Variants in JARID2 observed in about 807,000 individuals in gnomAD.
JARID2 encodes the protein protein Jumonji.
Under a neutral mutation model 125.6 loss-of-function variants are expected in JARID2, and 21 were observed. The ratio of observed to expected loss-of-function variants is 0.17; its 90% confidence interval spans 0.12 to 0.24. The LOEUF is 0.24. Among genes scored for constraint, JARID2 ranks in the 10% least tolerant of loss-of-function variants. The pLI is 1.00. For synonymous variants in JARID2, 736 were observed against 661.6 expected (o/e 1.11, Z -1.73); for missense variants, 1,303 against 1,639.6 (o/e 0.79, Z 3.55).
At chr6:15,448,525 C>T (rs116097749) in intron 3 of JARID2, among the ~76,000 whole-genome samples, 83 of 152,262 alleles carry the variant, frequency 5.5e-4, no homozygotes, top group African/African-American at 1.9e-3. Context: ...AAAATTCCTG[C>T]AATACTCAGA....
intron 1 of JARID2, among the ~76,000 whole-genome samples, chr6:15,267,520 A>G (rs956735580): frequency 6.6e-6 from 1 of 152,348 alleles, no homozygotes; most frequent in South Asian, 2.1e-4. Context: ...GTTTCAAATT[A>G]TAGTAACATG....
intron 1 of JARID2, among the ~76,000 whole-genome samples, chr6:15,318,198 C>G (rs1433452794): frequency 6.6e-6 from 1 of 151,178 alleles, no homozygotes. Context: ...GTTACAAGAG[C>G]AAAACTCCGT....
At chr6:15,356,864 A>G (rs1763616624) in intron 1 of JARID2, among the ~76,000 whole-genome samples, 2 of 151,948 alleles carry the variant, frequency 1.3e-5, no homozygotes, top group East Asian at 1.9e-4. Flanking sequence ...AAAATACAAC[A>G]TTACCTGGTC....
intron 1 of JARID2, chr6:15,247,986 A>G (rs1416444439): frequency 2.0e-6 from 2 of 985,290 alleles, no homozygotes; most frequent in Middle Eastern, 5.2e-4. Flanking sequence ...CACAAAGCAA[A>G]TGGGGTAGAA....
rs185336912 is a variant in JARID2, at chr6:15,316,684, G to A, written c.46-57433G>A. 7.9e-5 allele frequency among the ~76,000 whole-genome samples: 12 copies of A among 152,178 alleles called. No homozygotes were observed. The East Asian group carries it at 2.3e-3, about 29-fold the overall frequency. ...TGCCCAGCTAATTTTTATATTTTTA[G>A]TAGAGACGGGGTTTCACCATGTTGG... On this transcript the variant is annotated intron_variant, in intron 1 of 17. Transcript: ENST00000341776.
At chr6:15,499,349 C>T (rs910160299) in intron 7 of JARID2, among the ~76,000 whole-genome samples, 18 of 152,212 alleles carry the variant, frequency 1.2e-4, no homozygotes, top group Admixed American at 1.2e-3. Context: ...GGGGCTCGGC[C>T]ACGTAGCAGC....
chr6:15,418,407 G>C (rs934322396), intron 3 of JARID2, among the ~76,000 whole-genome samples: 1 of 151,838 alleles, frequency 6.6e-6, no homozygotes. Context: ...TAGTAGAGAC[G>C]GTTTCACCAT....
intron 16 of JARID2, among the ~76,000 whole-genome samples, chr6:15,513,962 TC>T (rs1293188410): frequency 1.3e-5 from 2 of 152,214 alleles, no homozygotes; most frequent in African/African-American, 4.8e-5. Flanking sequence ...TCCTGTCCCA[TC>T]TGGGATCAGA....
intron 3 of JARID2, among the ~76,000 whole-genome samples, chr6:15,429,721 A>G (rs944503320): frequency 3.9e-5 from 6 of 152,112 alleles, no homozygotes; most frequent in African/African-American, 1.2e-4. Context: ...TGTTTTTTTG[A>G]AGTGTTAGGA....
intron 1 of JARID2, among the ~76,000 whole-genome samples, chr6:15,338,280 A>G (rs758857127): frequency 1.3e-5 from 2 of 152,152 alleles, no homozygotes; most frequent in Non-Finnish European, 2.9e-5. Context: ...AGAATGGGCA[A>G]CCAGTTCTCT....
In JARID2 at chr6:15,246,275, G is replaced by A. The variant is rs1759181565; in HGVS notation, c.-265G>A. The A allele has an allele frequency of 5.4e-6, 3 of 552,524 alleles. No individual in the cohort carries two copies. The highest frequency in any genetic ancestry group is 9.5e-6 in the Non-Finnish European group (3 of 315,236). The allele number at this position is 552,524 out of a possible 1,614,324, so 34.2% of individuals were successfully genotyped here. ...TTGTGTGTGTGTGTATGTGTTTCGG[G>A]GGAAATTTTCCATTATGAGTGTTTT... is the stretch of plus-strand genomic sequence containing the variant. On this transcript the variant is annotated 5_prime_UTR_variant, in exon 1 of 18. Transcript: ENST00000341776.
At chr6:15,266,569 T>TCAAC (rs1195565697) in intron 1 of JARID2, among the ~76,000 whole-genome samples, 1 of 152,232 alleles carries the variant, frequency 6.6e-6, no homozygotes, top group Non-Finnish European at 1.5e-5. Context: ...AACGTGTTTC[T>TCAAC]CCTGGCTAGG....
chr6:15,403,750 G>T (rs545245467), intron 2 of JARID2, among the ~76,000 whole-genome samples: 1 of 152,094 alleles, frequency 6.6e-6, no homozygotes, highest in Non-Finnish European at 1.5e-5. Context: ...GCGGATTCTG[G>T]TGGTGGTGAG....
rs1581558876 is a variant in JARID2, at chr6:15,433,924, GT to G, written c.324-18081del. On this transcript the variant is annotated intron_variant, in intron 3 of 17. Coordinates refer to ENST00000341776, the MANE Select transcript of JARID2 (RefSeq NM_004973.4). Reference sequence around the variant, plus strand: ...TCCAGTAGCCCTCACTCTCCAGGGTGTGTGTGTGTGTGTGTGTGTGTGTGTG... The same window carrying G: ...TCCAGTAGCCCTCACTCTCCAGGGTGGTGTGTGTGTGTGTGTGTGTGTGTG... 1.8e-3 allele frequency among the ~76,000 whole-genome samples: 45 copies of G among 25,368 alleles called. No homozygotes were observed. In the South Asian group the frequency reaches 0.027, roughly 15 times the overall value. 16.6% of individuals were successfully genotyped at this position (25,368 alleles called of 152,430 possible).
At chr6:15,302,990 CT>C (rs562346251) in intron 1 of JARID2, among the ~76,000 whole-genome samples, 20 of 152,156 alleles carry the variant, frequency 1.3e-4, no homozygotes, top group Non-Finnish European at 2.8e-4. Context: ...TCCCAAAGTG[CT>C]GGGATTATAG....
intron 1 of JARID2, among the ~76,000 whole-genome samples, chr6:15,359,824 C>T (rs1763730148): frequency 6.6e-6 from 1 of 151,836 alleles, no homozygotes; most frequent in Admixed American, 6.6e-5. Flanking sequence ...GTAGCTGGGA[C>T]CACAGGCACC....
intron 3 of JARID2, among the ~76,000 whole-genome samples, chr6:15,445,289 C>T (rs1767626039): frequency 6.6e-6 from 1 of 152,120 alleles, no homozygotes; most frequent in South Asian, 2.1e-4. Flanking sequence ...GTTAGTTCAT[C>T]CCTGGGGTTT....
chr6:15,421,291 C>T (rs1490164953), intron 3 of JARID2, among the ~76,000 whole-genome samples: 1 of 152,000 alleles, frequency 6.6e-6, no homozygotes, highest in Non-Finnish European at 1.5e-5. Flanking sequence ...TGTCTAGCTT[C>T]ACTAAAAGCG....
At chr6:15,350,341 G>A (rs1581442719) in intron 1 of JARID2, among the ~76,000 whole-genome samples, 2 of 152,308 alleles carry the variant, frequency 1.3e-5, no homozygotes, top group East Asian at 3.9e-4. Context: ...TGTTTTGCAG[G>A]ATTTCTGATG....
Sources: allele counts gnomAD v4.1 joint callset (sites outside exome capture counted in the v4.1 genomes callset), GRCh38; gene constraint gnomAD v4.1.1; transcripts MANE v1.5; gene names NCBI Gene and HGNC (gene_info 2026-07-23, HGNC 2026-07-21).